The following CADM3 variants were observed in gnomAD, a reference collection of about 807,000 sequenced individuals.
The protein encoded by CADM3 is cell adhesion molecule 3.
A neutral mutation model predicts 44.9 loss-of-function variants in CADM3; 11 were observed. That is an observed-to-expected ratio of 0.25 (90% CI 0.15 to 0.41). The LOEUF is 0.41. Ranked by LOEUF, CADM3 falls within the 10% of genes least tolerant of loss-of-function variation. The probability of loss-of-function intolerance (pLI) is 1.00; values close to 1 mark genes in which losing one functional copy is unlikely to be tolerated. For synonymous variants in CADM3, 207 were observed against 205.2 expected, an observed-to-expected ratio of 1.01 and a Z score of -0.08; for missense variants, 426 against 512.0, an observed-to-expected ratio of 0.83 and a Z score of 1.62.
chr1:159,196,405 C>G lies in CADM3; in HGVS notation c.733C>G (p.Arg245Gly). 1.2e-6 allele frequency: 2 copies of G among 1,614,126 alleles called. No individual in the cohort carries two copies. Among genetic ancestry groups the G allele is most frequent in the South Asian group, 1.1e-5 (1 of 91,080 alleles). Residue 245 changes from arginine (R) to glycine (G), a missense_variant, in exon 6 of 9, where the codon CGT (arginine) becomes GGT (glycine). Arg to Gly is a moderately radical substitution (Grantham distance 125). Transcript: ENST00000368125. ...GATTAGGCCAGACCCTCCCCATCCT[C>G]GTGAGGGCCAGAAGCTGTTGCTACA... ...AMIRPDPPHPREGQKLLLHCE... is the reference protein window; with the variant it reads ...AMIRPDPPHPGEGQKLLLHCE...
chr1:159,192,853 G>C, intron 3 of CADM3, 123 bp downstream of exon 3: 1 of 950,822 alleles, frequency 1.1e-6, no homozygotes, highest in South Asian at 1.7e-5. Flanking sequence ...AGTTCAGCCT[G>C]TGTTCCCCTG....
Position 159,201,572 on chromosome 1 carries a change from A to G in CADM3, c.*650A>G, listed in dbSNP as rs1045926702. 11 of 152,324 alleles carry G rather than the reference A, an allele frequency of 7.2e-5. No individual in the cohort carries two copies. The highest frequency in any genetic ancestry group is 1.5e-4 in the Non-Finnish European group (10 of 68,116). The allele number at this position is 152,324 out of a possible 1,614,324, so 9.4% of individuals were successfully genotyped here. ...TGAGGAGATGTGGCCTGCAGACAAC[A>G]TGCAGCCATGCAGGGACCCAGGACT... On this transcript the variant is annotated 3_prime_UTR_variant, in exon 9 of 9. Transcript: ENST00000368125.
chr1:159,186,013 TG>T (rs1298759776), intron 1 of CADM3, among the ~76,000 whole-genome samples: 1 of 152,188 alleles, frequency 6.6e-6, no homozygotes, highest in Non-Finnish European at 1.5e-5. Flanking sequence ...TATTTCAATC[TG>T]GGACAATCAG....
rs376129264 is a variant in CADM3, at chr1:159,196,413, C to T, written c.741C>T (p.Gly247=). 6.2e-7 allele frequency: 1 copy of T among 1,613,944 alleles called. No homozygotes were observed. The highest frequency in any genetic ancestry group is 1.3e-5 in the African/African-American group (1 of 74,894). The change falls in exon 6 of 9, where the codon GGC becomes GGT. Residue 247 remains glycine (G), a synonymous_variant. Transcript: ENST00000368125. ...IRPDPPHPRE[G]QKLLLHCEGR... ...CAGACCCTCCCCATCCTCGTGAGGG[C>T]CAGAAGCTGTTGCTACACTGTGAGG...
intron 5 of CADM3, chr1:159,194,303 T>C (rs917335929): frequency 2.9e-6 from 1 of 340,226 alleles, no homozygotes; most frequent in Admixed American, 4.4e-5. Context: ...TCATAGACAA[T>C]ATGTAAACAA....
chr1:159,177,271 C>T (rs1330227871), intron 1 of CADM3, among the ~76,000 whole-genome samples: 1 of 152,038 alleles, frequency 6.6e-6, no homozygotes, highest in Non-Finnish European at 1.5e-5. Flanking sequence ...GTGTATCAAC[C>T]AGACAGGTTC....
At chr1:159,188,052 T>C (rs1185187952) in intron 1 of CADM3, among the ~76,000 whole-genome samples, 1 of 152,064 alleles carries the variant, frequency 6.6e-6, no homozygotes, top group Non-Finnish European at 1.5e-5. Context: ...CTTCTCAGCA[T>C]TTGGGCATTA....
intron 1 of CADM3, among the ~76,000 whole-genome samples, chr1:159,187,303 C>T (rs933042773): frequency 7.9e-5 from 12 of 152,166 alleles, no homozygotes; most frequent in African/African-American, 2.9e-4. Context: ...ACTTAAGGCT[C>T]CTGCTCTTAA....
intron 1 of CADM3, among the ~76,000 whole-genome samples, chr1:159,183,588 G>A (rs918004078): frequency 1.3e-5 from 2 of 152,130 alleles, no homozygotes; most frequent in East Asian, 1.9e-4. Context: ...GAGCTGGAAC[G>A]CATTGGAACT....
At chr1:159,172,479 C>T (rs1296733783) in intron 1 of CADM3, among the ~76,000 whole-genome samples, 4 of 152,046 alleles carry the variant, frequency 2.6e-5, no homozygotes, top group Non-Finnish European at 5.9e-5. Context: ...AGCAAAACAA[C>T]AACACAGGGC....
intron 6 of CADM3, 77 bp from the exon 7 acceptor site, chr1:159,196,814 T>C (rs1649916972): frequency 7.2e-7 from 1 of 1,384,396 alleles, no homozygotes; most frequent in African/African-American, 1.5e-5. Flanking sequence ...ACATCCCTGC[T>C]CCCAGTTATT....
intron 1 of CADM3, 93 bp from the exon 2 acceptor site, chr1:159,191,843 G>C: frequency 6.7e-7 from 1 of 1,484,210 alleles, no homozygotes; most frequent in Non-Finnish European, 9.3e-7. Context: ...CAAGGGCCTT[G>C]GATGGTCTGA....
chr1:159,196,651 T>A (rs985120486), intron 6 of CADM3, 197 bp downstream of exon 6: 30 of 628,488 alleles, frequency 4.8e-5, no homozygotes, highest in Admixed American at 2.3e-4. Flanking sequence ...CCTAACTCAG[T>A]CCCTGAGTTT....
chr1:159,190,886 G>T (rs1461596257), intron 1 of CADM3, among the ~76,000 whole-genome samples: 1 of 152,232 alleles, frequency 6.6e-6, no homozygotes, highest in Non-Finnish European at 1.5e-5. Context: ...TCAAAGAACA[G>T]ATTTTTGTGG....
intron 1 of CADM3, among the ~76,000 whole-genome samples, chr1:159,179,782 C>T (rs1649159308): frequency 6.6e-6 from 1 of 152,106 alleles, no homozygotes. Flanking sequence ...AAATGAGAAG[C>T]CAGTTTTACC....
intron 1 of CADM3, among the ~76,000 whole-genome samples, chr1:159,182,057 G>GACACACACACACACAC (rs376492660): frequency 3.5e-5 from 5 of 143,992 alleles, no homozygotes; most frequent in African/African-American, 1.0e-4. Context: ...CACACAGACA[G>GACACACACACACACAC]ACACACACAC....
intron 1 of CADM3, among the ~76,000 whole-genome samples, chr1:159,181,052 T>C (rs1649213603): frequency 6.6e-6 from 1 of 152,180 alleles, no homozygotes; most frequent in African/African-American, 2.4e-5. Flanking sequence ...GAATATATTC[T>C]TTACTTCTGA....
chr1:159,199,734 G>A lies in CADM3; in HGVS notation c.953-17G>A, dbSNP rs1210970953. 5.6e-6 allele frequency: 9 copies of A among 1,614,120 alleles called. No homozygotes were observed. The highest frequency in any genetic ancestry group is 1.7e-4 in the Middle Eastern group (1 of 6,060). ...GCTCTCCCCAGATCTGACTGTGTGT[G>A]TTGCCCTTTCTTCCAGACCCCAGTC... On this transcript the variant is annotated splice_polypyrimidine_tract_variant and intron_variant, in intron 7 of 8. Transcript: ENST00000368125.
Position 159,199,807 on chromosome 1 carries a change from G to C in CADM3, c.1009G>C (p.Val337Leu), listed in dbSNP as rs775539880. The C allele has an allele frequency of 6.2e-7, 1 of 1,614,026 alleles. No individual in the cohort carries two copies. The highest frequency in any genetic ancestry group is 1.1e-5 in the South Asian group (1 of 91,066). Residue 337 changes from valine to leucine, a missense_variant, in exon 8 of 9, where the codon GTG (valine) becomes CTG (leucine). Val to Leu is a conservative substitution (Grantham distance 32, BLOSUM62 1). Coordinates refer to ENST00000368125, the MANE Select transcript of CADM3 (RefSeq NM_001127173.3). ...CTACCACGCCATCATCGGTGGGATC[G>C]TGGCTTTCATTGTCTTCCTGCTGCT... The part of the protein sequence containing the change: ...STYHAIIGGI[V>L]AFIVFLLLIM...
Sources: allele counts gnomAD v4.1 joint callset (sites outside exome capture counted in the v4.1 genomes callset), GRCh38; gene constraint gnomAD v4.1.1; transcripts MANE v1.5; gene names NCBI Gene and HGNC (gene_info 2026-07-23, HGNC 2026-07-21).